PRELID2: variants seen among roughly 807,000 people sequenced by gnomAD.
PRELID2 encodes the protein PRELI domain-containing protein 2.
Under a neutral mutation model 28.4 loss-of-function variants are expected in PRELID2, and 25 were observed. The ratio of observed to expected loss-of-function variants is 0.88; its 90% CI spans 0.64 to 1.23. The LOEUF (loss-of-function observed/expected upper bound fraction) is 1.23, where lower values mean the gene tolerates loss of function less well. Ranked by LOEUF, PRELID2 falls within the 50% of genes most tolerant of loss-of-function variation. The probability of loss-of-function intolerance (pLI) is 0.00; values close to 1 mark genes in which losing one functional copy is unlikely to be tolerated. For synonymous variants in PRELID2, 76 were observed against 71.6 expected (o/e 1.06, Z -0.31); for missense variants, 201 against 214.4 (o/e 0.94, Z 0.39).
the PRELID2 span, among the ~76,000 whole-genome samples, chr5:145,287,944 G>A: frequency 6.6e-6 from 1 of 152,122 alleles, no homozygotes; most frequent in East Asian, 1.9e-4. Context: ...TTTGTAGACT[G>A]TTCCTCAACT....
intron 1 of PRELID2, among the ~76,000 whole-genome samples, chr5:145,614,898 T>C (rs1201623679): frequency 6.6e-6 from 1 of 152,176 alleles, no homozygotes; most frequent in Non-Finnish European, 1.5e-5. Context: ...GGCAGCCTTG[T>C]CTTGTTCCAG....
chr5:145,339,567 A>G, the PRELID2 span, among the ~76,000 whole-genome samples: 1 of 152,190 alleles, frequency 6.6e-6, no homozygotes, highest in African/African-American at 2.4e-5. Flanking sequence ...CTAAGAGCCT[A>G]GTCTACAAAT....
In PRELID2 at chr5:145,799,732, T is replaced by C. The variant is rs139525634; in HGVS notation, c.369-3185A>G. 9.9e-5 allele frequency among the ~76,000 whole-genome samples: 15 copies of C among 152,268 alleles called. No individual in the cohort carries two copies. In the East Asian group the frequency reaches 2.9e-3, roughly 29 times the overall value. On this transcript the variant is annotated intron_variant, in intron 4 of 6. Transcript: ENST00000683046. Reference sequence around the variant, plus strand: ...TTAGGGTATGAGGCTGAAAGGATAATTGAAGACAAGATTGCAAATGGCCTC... The same window carrying C: ...TTAGGGTATGAGGCTGAAAGGATAACTGAAGACAAGATTGCAAATGGCCTC...
chr5:145,597,361 T>C (rs942293509), intron 1 of PRELID2, among the ~76,000 whole-genome samples: 1 of 152,162 alleles, frequency 6.6e-6, no homozygotes, highest in Admixed American at 6.5e-5. Context: ...CAAAGGTACA[T>C]GACATAACAG....
At chr5:145,505,377 CT>C (rs1422571091) in intron 1 of PRELID2, among the ~76,000 whole-genome samples, 2 of 152,168 alleles carry the variant, frequency 1.3e-5, no homozygotes, top group Admixed American at 1.3e-4. Context: ...CTGAGTTGGA[CT>C]GTAGCTCTCA....
rs1757309436 is a variant in PRELID2 at position 145,757,940 on chromosome 5, G to A, written c.*2596C>T. ...TAATCCCTGAGGATTATTTAGGAAT[G>A]AGGAGGAAGATACATCTAAAAGTAG... is the stretch of plus-strand genomic sequence containing the variant. On this transcript the variant is annotated 3_prime_UTR_variant, in exon 7 of 7. Transcript: ENST00000683046. Among the ~76,000 whole-genome samples the A allele has an allele frequency of 6.6e-6, 1 of 152,124 alleles. No homozygotes were observed. The highest frequency in any genetic ancestry group is 2.4e-5 in the African/African-American group (1 of 41,446).
chr5:145,689,659 G>A (rs955885638), intron 1 of PRELID2, among the ~76,000 whole-genome samples: 13 of 152,202 alleles, frequency 8.5e-5, no homozygotes. Context: ...TGAGAGCCAT[G>A]GATTTAAGCA....
chr5:145,376,108 G>A, the PRELID2 span, among the ~76,000 whole-genome samples: 1 of 152,132 alleles, frequency 6.6e-6, no homozygotes, highest in Admixed American at 6.5e-5. Context: ...ACATGCAGTG[G>A]TGTTAAAATT....
intron 1 of PRELID2, among the ~76,000 whole-genome samples, chr5:145,585,281 G>A (rs1007788437): frequency 1.3e-5 from 2 of 152,082 alleles, no homozygotes; most frequent in Non-Finnish European, 1.5e-5. Context: ...ACTAGGGCCT[G>A]TCGTGGTGGG....
intron 1 of PRELID2, among the ~76,000 whole-genome samples, chr5:145,596,415 C>T (rs1753307240): frequency 6.6e-6 from 1 of 152,024 alleles, no homozygotes; most frequent in Admixed American, 6.6e-5. Context: ...AGTACCACAG[C>T]TTAGGGGAGT....
chr5:145,326,101 G>A, the PRELID2 span, among the ~76,000 whole-genome samples: 2 of 152,040 alleles, frequency 1.3e-5, no homozygotes, highest in Non-Finnish European at 2.9e-5. Flanking sequence ...CTCAATCTTT[G>A]AGCTCAAGCG....
At chr5:145,319,725 A>C in the PRELID2 span, among the ~76,000 whole-genome samples, 4,439 of 149,158 alleles carry the variant, frequency 0.03, 86 homozygotes, top group Middle Eastern at 0.059. Context: ...ATAAATAAAT[A>C]AATAATTTTT....
the PRELID2 span, among the ~76,000 whole-genome samples, chr5:145,357,718 A>G: frequency 6.6e-6 from 1 of 152,040 alleles, no homozygotes; most frequent in African/African-American, 2.4e-5. Flanking sequence ...CTTTGTTCCT[A>G]TCCATATTCT....
At chr5:145,350,958 A>G in the PRELID2 span, among the ~76,000 whole-genome samples, 2 of 152,222 alleles carry the variant, frequency 1.3e-5, no homozygotes, top group African/African-American at 2.4e-5. Context: ...TAATGATAGT[A>G]GCAGGCAGTT....
At chr5:145,554,896 A>G (rs1015635755) in intron 1 of PRELID2, among the ~76,000 whole-genome samples, 1 of 152,198 alleles carries the variant, frequency 6.6e-6, no homozygotes, top group African/African-American at 2.4e-5. Flanking sequence ...GAAATAGTGA[A>G]TGCTAAGAAG....
chr5:145,385,938 AT>A, the PRELID2 span, among the ~76,000 whole-genome samples: 1 of 151,860 alleles, frequency 6.6e-6, no homozygotes, highest in Non-Finnish European at 1.5e-5. Context: ...TCTCGTCTTG[AT>A]TTGTAATCCC....
chr5:145,697,993 A>AATAT (rs796343965), intron 1 of PRELID2, among the ~76,000 whole-genome samples: 13 of 149,890 alleles, frequency 8.7e-5, no homozygotes, highest in African/African-American at 3.2e-4. Flanking sequence ...CCTCAAAAAA[A>AATAT]ATATATATAT....
At chr5:145,247,216 A>G in the PRELID2 span, among the ~76,000 whole-genome samples, 1 of 152,126 alleles carries the variant, frequency 6.6e-6, no homozygotes, top group Non-Finnish European at 1.5e-5. Flanking sequence ...TCCATCTGCA[A>G]CGTGACCAAT....
intron 1 of PRELID2, among the ~76,000 whole-genome samples, chr5:145,515,976 C>A (rs1481961848): frequency 2.6e-5 from 4 of 152,040 alleles, no homozygotes; most frequent in Non-Finnish European, 4.4e-5. Flanking sequence ...AACTAGGTAT[C>A]GATGGAGTGT....
Sources: gnomAD v4.1 joint callset for allele counts (sites outside exome capture counted in the v4.1 genomes callset) on GRCh38, gnomAD v4.1.1 for gene constraint, MANE v1.5 for transcripts, NCBI Gene and HGNC (gene_info 2026-07-23, HGNC 2026-07-21) for gene names.